The following NALCN variants were observed in gnomAD, a reference collection of about 807,000 sequenced individuals.
NALCN encodes the protein sodium leak channel, non-selective, also known as sodium leak channel NALCN.
NALCN carries 111 observed loss-of-function variants against 225.3 expected under a neutral mutation model. The ratio of observed to expected loss-of-function variants is 0.49; its 90% CI spans 0.42 to 0.58. The LOEUF (loss-of-function observed/expected upper bound fraction) is 0.58. NALCN is among the 20% of genes least tolerant of loss of function. The pLI is 0.00. For missense variants in NALCN, 1,378 were observed against 2,202.4 expected (o/e 0.63, Z 7.49); for synonymous variants, 764 against 769.0 (o/e 0.99, Z 0.11).
In NALCN at chr13:101,172,802, C is replaced by T. The variant is rs531670014; in HGVS notation, c.1839+3498G>A. ...CAGGATGGTCTCGATCTCCTGACCT[C>T]GTGATCCGCCCACCTCAGCCTCCCC... is the stretch of plus-strand genomic sequence containing the variant. On this transcript the variant is annotated intron_variant, in intron 15 of 43. Coordinates refer to ENST00000251127, the MANE Select transcript of NALCN (RefSeq NM_052867.4). 2.6e-5 allele frequency among the ~76,000 whole-genome samples: 4 copies of T among 152,176 alleles called. No homozygotes were observed. The South Asian group carries it at 6.2e-4, about 24-fold the overall frequency.
intron 10 of NALCN, among the ~76,000 whole-genome samples, chr13:101,272,006 TTG>T (rs1247971951): frequency 2.7e-5 from 4 of 147,594 alleles, no homozygotes; most frequent in South Asian, 4.2e-4. Context: ...GTGTCTGCGA[TTG>T]TGTGTCACTG....
At chr13:101,127,166 A>G (rs1246458847) in intron 17 of NALCN, among the ~76,000 whole-genome samples, 1 of 152,214 alleles carries the variant, frequency 6.6e-6, no homozygotes, top group East Asian at 1.9e-4. Context: ...TATTGCCTAA[A>G]TGATTTCTGC....
chr13:101,333,690 T>C (rs1244682302), intron 7 of NALCN, among the ~76,000 whole-genome samples: 1 of 152,234 alleles, frequency 6.6e-6, no homozygotes, highest in Non-Finnish European at 1.5e-5. Flanking sequence ...GTAAGAGCTG[T>C]GTTACGGCTT....
intron 7 of NALCN, among the ~76,000 whole-genome samples, chr13:101,313,063 C>G (rs1259115337): frequency 6.6e-6 from 1 of 152,048 alleles, no homozygotes; most frequent in African/African-American, 2.4e-5. Flanking sequence ...ACAAACCTGA[C>G]AAAAACAAGA....
intron 27 of NALCN, among the ~76,000 whole-genome samples, chr13:101,096,429 G>T (rs2034504562): frequency 6.6e-6 from 1 of 152,118 alleles, no homozygotes; most frequent in Non-Finnish European, 1.5e-5. Context: ...ACAACATGGA[G>T]GATCCTTGAA....
At chr13:101,122,405 C>G (rs1423957271) in intron 18 of NALCN, among the ~76,000 whole-genome samples, 1 of 152,004 alleles carries the variant, frequency 6.6e-6, no homozygotes, top group Admixed American at 6.6e-5. Flanking sequence ...CTGTAGTATG[C>G]TGGGCTGCAG....
At position 101,395,318 on chromosome 13, in the gene NALCN, AG is replaced by A; in HGVS notation, c.155del (p.Ser52LeufsTer4). On this transcript the variant is annotated frameshift_variant, in exon 3 of 44. Transcript: ENST00000251127. LOFTEE classifies it high-confidence loss of function. ...LRICAIISVISVCMNTPMTFE... is the reference protein window; with the variant it reads ...LRICAIISVIXVCMNTPMTFE... ...AGGTCATTGGCGTATTCATACAAAC[AG>A]AAATGACGCTGATGATGGCACAGAT... The A allele has an allele frequency of 6.2e-7, 1 of 1,614,110 alleles. No individual in the cohort carries two copies. Among genetic ancestry groups the A allele is most frequent in the Non-Finnish European group, 8.5e-7 (1 of 1,179,970 alleles).
rs1444916192 is a variant in NALCN, at chr13:101,055,567, C to T, written c.5024-79G>A. On this transcript the variant is annotated intron_variant, in intron 43 of 43. Transcript: ENST00000251127. ...ATCACTCCTAAAAACCCATGATATT[C>T]CCATCAGTGATACTTTTGGCTAACG... 2.4e-6 allele frequency: 3 copies of T among 1,252,080 alleles called. No homozygotes were observed. The African/African-American group carries it at 4.5e-5, about 19-fold the overall frequency. The allele number at this position is 1,252,080 out of a possible 1,614,324, so 77.6% of individuals were successfully genotyped here. A position where few individuals can be genotyped will look rare whatever the true frequency, so the allele number is the denominator to read the frequency against.
At chr13:101,378,461 C>A in intron 4 of NALCN, 109 bp downstream of exon 4, 1 of 747,566 alleles carries the variant, frequency 1.3e-6, no homozygotes, top group South Asian at 2.4e-5. Context: ...TAGGCAATTA[C>A]ACAATCACAT....
rs914822952 is a variant in NALCN, at chr13:101,242,354, C to T, written c.1267-4432G>A. Among the ~76,000 whole-genome samples, 18 of 104,724 alleles carry T rather than the reference C, an allele frequency of 1.7e-4. 6 individuals carry two copies. The highest frequency in any genetic ancestry group is 9.7e-4 in the South Asian group (3 of 3,080). The allele number at this position is 104,724 out of a possible 152,430, so 68.7% of individuals were successfully genotyped here. On this transcript the variant is annotated intron_variant, in intron 11 of 43. Transcript: ENST00000251127. ...TTCTTTCCCTATTCATTAATTTGGACGCTCGACTTGGTTTTTCTAATCTCC... is the reference window on the plus strand; with the variant it reads ...TTCTTTCCCTATTCATTAATTTGGATGCTCGACTTGGTTTTTCTAATCTCC...
intron 40 of NALCN, 107 bp downstream of exon 40, chr13:101,065,296 TG>T: frequency 8.4e-7 from 1 of 1,189,730 alleles, no homozygotes; most frequent in Non-Finnish European, 1.2e-6. Flanking sequence ...ACAGCAGATG[TG>T]GCATTTTGGG....
chr13:101,307,875 T>G (rs9518367), intron 7 of NALCN, among the ~76,000 whole-genome samples: 35,915 of 152,088 alleles, frequency 0.24, 5,118 homozygotes, highest in South Asian at 0.32. Flanking sequence ...TATTTAAAAT[T>G]TAAAAAGCAG....
intron 11 of NALCN, among the ~76,000 whole-genome samples, chr13:101,249,033 G>A (rs1052790990): frequency 6.6e-6 from 1 of 152,120 alleles, no homozygotes; most frequent in Non-Finnish European, 1.5e-5. Flanking sequence ...GTAGAGGACT[G>A]TGCCTCTGTG....
chr13:101,060,030 C>A, intron 41 of NALCN, 63 bp from the exon 42 acceptor site: 2 of 1,580,568 alleles, frequency 1.3e-6, no homozygotes, highest in Non-Finnish European at 1.7e-6. Flanking sequence ...CCCACCGCCA[C>A]ACAAATCTTA....
chr13:101,124,690 G>A lies in NALCN; in HGVS notation c.2119-9C>T. ...AAAACAGACTTGCGAAGCTGAAAATGATAAGAGTATGACTTTTAGTTTTGG... is the reference window on the plus strand; with the variant it reads ...AAAACAGACTTGCGAAGCTGAAAATAATAAGAGTATGACTTTTAGTTTTGG... On this transcript the variant is annotated splice_polypyrimidine_tract_variant and intron_variant, in intron 17 of 43. Coordinates refer to ENST00000251127, the MANE Select transcript of NALCN (RefSeq NM_052867.4). The A allele has an allele frequency of 6.2e-7, 1 of 1,612,624 alleles. No individual in the cohort carries two copies. Among genetic ancestry groups the A allele is most frequent in the Non-Finnish European group, 8.5e-7 (1 of 1,179,020 alleles).
intron 30 of NALCN, among the ~76,000 whole-genome samples, chr13:101,084,546 C>G (rs532311858): frequency 6.6e-6 from 1 of 152,242 alleles, no homozygotes; most frequent in South Asian, 2.1e-4. Context: ...TGAATCAATA[C>G]GTAAGAATTT....
chr13:101,311,436 G>A (rs1566561959), intron 7 of NALCN, among the ~76,000 whole-genome samples: 1 of 137,066 alleles, frequency 7.3e-6, no homozygotes. Context: ...CCTGTCTTGT[G>A]CCAGTTTTCA....
chr13:101,261,465 G>C (rs34627584), intron 10 of NALCN, among the ~76,000 whole-genome samples: 27,893 of 152,056 alleles, frequency 0.18, 2,706 homozygotes, highest in East Asian at 0.35. Flanking sequence ...TAACAATATT[G>C]ATTCTTCCAA....
intron 9 of NALCN, among the ~76,000 whole-genome samples, chr13:101,285,216 G>T (rs537838064): frequency 1.3e-5 from 2 of 152,288 alleles, no homozygotes; most frequent in East Asian, 3.9e-4. Context: ...ATCCTTTGTG[G>T]AAAATAAACT....
Sources: allele counts gnomAD v4.1 joint callset (sites outside exome capture counted in the v4.1 genomes callset), GRCh38; gene constraint gnomAD v4.1.1; transcripts MANE v1.5; gene names NCBI Gene and HGNC (gene_info 2026-07-23, HGNC 2026-07-21).